Variants in OCA2 observed in about 807,000 individuals in gnomAD.
OCA2 encodes P protein.
In OCA2, 77 loss-of-function variants were observed where a neutral mutation model predicts 100.2. That is an observed-to-expected ratio of 0.77 (90% CI 0.64 to 0.93). The LOEUF (loss-of-function observed/expected upper bound fraction) is 0.93, where lower values mean the gene tolerates loss of function less well. Ranked by LOEUF, OCA2 falls within the 40% of genes least tolerant of loss-of-function variation. The probability of loss-of-function intolerance (pLI) is 0.00; values close to 1 mark genes in which losing one functional copy is unlikely to be tolerated. For synonymous variants in OCA2, 432 were observed against 439.2 expected (o/e 0.98, Z 0.21); for missense variants, 1,062 against 1,089.1 (o/e 0.98, Z 0.35).
At chr15:27,976,413 G>A (rs2040967359) in intron 14 of OCA2, among the ~76,000 whole-genome samples, 1 of 151,982 alleles carries the variant, frequency 6.6e-6, no homozygotes, top group Admixed American at 6.6e-5. Context: ...TTCTTTATTG[G>A]GTTGATGAAT....
chr15:28,021,849 T>C (rs560797493), intron 6 of OCA2, among the ~76,000 whole-genome samples: 13 of 152,270 alleles, frequency 8.5e-5, no homozygotes, highest in East Asian at 1.9e-4. Flanking sequence ...GGGGTGGGCA[T>C]AGAGCAAGGT....
At position 27,906,371 on chromosome 15, in the gene OCA2, G is replaced by T. The variant is rs186465222; in HGVS notation, c.2079+19756C>A. ...GAAATAAATTAAAAGATGCCCAAAAGACAATAGACAAAAATGAAAATATAA... is the reference window on the plus strand; with the variant it reads ...GAAATAAATTAAAAGATGCCCAAAATACAATAGACAAAAATGAAAATATAA... On this transcript the variant is annotated intron_variant, in intron 19 of 23. Coordinates refer to ENST00000354638, the MANE Select transcript of OCA2 (RefSeq NM_000275.3). Among the ~76,000 whole-genome samples, 113 of 151,938 alleles carry T rather than the reference G, an allele frequency of 7.4e-4. 1 individual carries two copies. The highest frequency in any genetic ancestry group is 2.7e-3 in the African/African-American group (110 of 41,456).
In OCA2 at chr15:27,846,619, C is replaced by T. The variant is rs998253507; in HGVS notation, c.2339-1567G>A. ...GGTCCTGCCCAGGTGGAGAGCATTT[C>T]ACCCTGTCTGCTGTGGGCGTGGATT... On this transcript the variant is annotated intron_variant, in intron 22 of 23. Transcript: ENST00000354638. 3.3e-5 allele frequency among the ~76,000 whole-genome samples: 5 copies of T among 152,212 alleles called. 1 individual carries two copies. The highest frequency in any genetic ancestry group is 5.9e-5 in the Non-Finnish European group (4 of 68,042).
At chr15:27,732,467 G>A in the OCA2 span, among the ~76,000 whole-genome samples, 1 of 152,152 alleles carries the variant, frequency 6.6e-6, no homozygotes, top group Non-Finnish European at 1.5e-5. Context: ...ACCCAGGTAG[G>A]TAACCAGGAT....
In OCA2 at chr15:28,081,862, C is replaced by A. The variant is rs1429007465; in HGVS notation, c.13G>T (p.Gly5Cys). 2 of 1,610,766 alleles carry A rather than the reference C, an allele frequency of 1.2e-6. No individual in the cohort carries two copies. The highest frequency in any genetic ancestry group is 1.7e-6 in the Non-Finnish European group (2 of 1,179,590). The change falls in exon 2 of 24, where the codon GGC becomes TGC. Residue 5 changes from glycine to cysteine, a missense_variant. Coordinates refer to ENST00000354638, the MANE Select transcript of OCA2 (RefSeq NM_000275.3). ...CCGGGGTACCGCCTGCCGTCTCTGC[C>A]CTCCAGATGCATGCTCCACTGCCAG... MHLE[G>C]RDGRRYPGAP... is the part of the protein sequence containing the mutation.
At position 27,860,547 on chromosome 15, in the gene OCA2, T is replaced by C. The variant is rs139232170; in HGVS notation, c.2245-9072A>G. On this transcript the variant is annotated intron_variant, in intron 21 of 23. Coordinates refer to ENST00000354638, the MANE Select transcript of OCA2 (RefSeq NM_000275.3). ...GCTGCCACTTACAAGTGAGAACATGTAATATTTGGTTTTCTGTTTCTGTGT... is the reference window on the plus strand; with the variant it reads ...GCTGCCACTTACAAGTGAGAACATGCAATATTTGGTTTTCTGTTTCTGTGT... Among the ~76,000 whole-genome samples the C allele has an allele frequency of 7.7e-4, 118 of 152,322 alleles. 2 individuals are homozygous for C. The highest frequency in any genetic ancestry group is 2.7e-3 in the African/African-American group (113 of 41,572).
At chr15:27,936,257 G>T (rs2039447803) in intron 18 of OCA2, among the ~76,000 whole-genome samples, 1 of 146,806 alleles carries the variant, frequency 6.8e-6, no homozygotes, top group Non-Finnish European at 1.5e-5. Flanking sequence ...TCCACAGTTG[G>T]GTGGGTGAGT....
At chr15:27,831,937 G>A (rs770669643) in intron 23 of OCA2, among the ~76,000 whole-genome samples, 2 of 152,062 alleles carry the variant, frequency 1.3e-5, no homozygotes, top group Non-Finnish European at 2.9e-5. Flanking sequence ...CCAGGCTGAC[G>A]TCCAGTGCCC....
the OCA2 span, among the ~76,000 whole-genome samples, chr15:27,731,268 C>T: frequency 6.6e-6 from 1 of 152,132 alleles, no homozygotes; most frequent in Admixed American, 6.5e-5. Context: ...AACTCATATA[C>T]TTTGTCATAA....
the OCA2 span, among the ~76,000 whole-genome samples, chr15:27,745,066 G>A: frequency 7.2e-5 from 11 of 152,238 alleles, no homozygotes; most frequent in East Asian, 1.4e-3. Flanking sequence ...AAGGAGTCCC[G>A]ATCCCGACCC....
intron 23 of OCA2, among the ~76,000 whole-genome samples, chr15:27,787,662 C>T (rs1005119061): frequency 1.3e-5 from 2 of 151,824 alleles, no homozygotes; most frequent in Non-Finnish European, 2.9e-5. Context: ...AACAATTTGT[C>T]AATTTTGTCA....
chr15:27,768,368 G>A (rs900562154), intron 23 of OCA2, among the ~76,000 whole-genome samples: 16 of 152,136 alleles, frequency 1.1e-4, no homozygotes, highest in Non-Finnish European at 1.9e-4. Flanking sequence ...GTCACACGCC[G>A]TCACTCCTCC....
intron 19 of OCA2, among the ~76,000 whole-genome samples, chr15:27,892,935 T>G (rs1228853792): frequency 6.6e-6 from 1 of 152,144 alleles, no homozygotes; most frequent in African/African-American, 2.4e-5. Context: ...ATCAACAACT[T>G]TACGCTCACA....
At position 27,807,039 on chromosome 15, in the gene OCA2, G is replaced by A. The variant is rs578180547; in HGVS notation, c.2432+37920C>T. Among the ~76,000 whole-genome samples, 97 of 152,216 alleles carry A rather than the reference G, an allele frequency of 6.4e-4. 2 individuals carry two copies. Among genetic ancestry groups the A allele is most frequent in the Middle Eastern group, 3.4e-3 (1 of 294 alleles). On this transcript the variant is annotated intron_variant, in intron 23 of 23. Transcript: ENST00000354638. ...CCACGAAAAACACGTGCTCTGGACC[G>A]ACCGGCCCTGCCTCCCCTGTCTACC...
At chr15:27,895,904 C>A in intron 19 of OCA2, 1 of 599,640 alleles carries the variant, frequency 1.7e-6, no homozygotes, top group South Asian at 1.8e-5. Flanking sequence ...TGCTTATGCC[C>A]GTACAGAAGG....
intron 18 of OCA2, among the ~76,000 whole-genome samples, chr15:27,940,042 T>C (rs2039591168): frequency 6.6e-6 from 1 of 152,178 alleles, no homozygotes; most frequent in South Asian, 2.1e-4. Flanking sequence ...CCAGCTCTTC[T>C]TGGACATCAC....
chr15:27,871,981 A>G, intron 19 of OCA2, 59 bp from the exon 20 acceptor site: 1 of 1,172,298 alleles, frequency 8.5e-7, no homozygotes, highest in Non-Finnish European at 1.3e-6. Context: ...TGCAAGATTT[A>G]AAAAAAAAGT....
intron 23 of OCA2, among the ~76,000 whole-genome samples, chr15:27,784,174 G>C (rs1391836319): frequency 6.6e-6 from 1 of 152,214 alleles, no homozygotes; most frequent in South Asian, 2.1e-4. Flanking sequence ...GAGGAAGGCT[G>C]TCTCTGAAAA....
At chr15:27,931,452 A>G (rs896933183) in intron 18 of OCA2, among the ~76,000 whole-genome samples, 4 of 152,176 alleles carry the variant, frequency 2.6e-5, no homozygotes, top group African/African-American at 9.6e-5. Flanking sequence ...CTCCTGCCTC[A>G]GCCTCCTGAG....
Sources: allele counts gnomAD v4.1 joint callset (sites outside exome capture counted in the v4.1 genomes callset), GRCh38; gene constraint gnomAD v4.1.1; transcripts MANE v1.5; gene names NCBI Gene and HGNC (gene_info 2026-07-23, HGNC 2026-07-21).